SCN10A: variants seen among roughly 807,000 people sequenced by gnomAD.
The protein encoded by SCN10A is sodium channel protein type 10 subunit alpha.
SCN10A carries 162 observed loss-of-function variants against 170.7 expected under a neutral mutation model. The ratio of observed to expected loss-of-function variants is 0.95; its 90% confidence interval spans 0.84 to 1.08. The LOEUF is 1.08. Among genes scored for constraint, SCN10A ranks in the 50% least tolerant of loss-of-function variants. The pLI is 0.00. For synonymous variants in SCN10A, 985 were observed against 904.6 expected (o/e 1.09, Z -1.59); for missense variants, 2,527 against 2,436.9 (o/e 1.04, Z -0.78).
chr3:38,743,325 T>C (rs533267440), intron 13 of SCN10A, among the ~76,000 whole-genome samples: 262 of 152,284 alleles, frequency 1.7e-3, no homozygotes, highest in African/African-American at 5.8e-3. Context: ...CTCTTTCCTC[T>C]CCCACCTATT....
intron 13 of SCN10A, among the ~76,000 whole-genome samples, chr3:38,743,067 C>A (rs1322786244): frequency 6.6e-6 from 1 of 152,178 alleles, no homozygotes; most frequent in Admixed American, 6.5e-5. Flanking sequence ...TATTATATTC[C>A]ATTCCTTCAT....
At chr3:38,740,953 C>T (rs1256116505) in intron 14 of SCN10A, among the ~76,000 whole-genome samples, 1 of 152,132 alleles carries the variant, frequency 6.6e-6, no homozygotes, top group Admixed American at 6.5e-5. Context: ...CTTCTCTTTC[C>T]ATTTTTCCTT....
At position 38,814,221 on chromosome 3, in the gene SCN10A, C is replaced by T. The variant is rs1024111377; in HGVS notation, c.-33+1816G>A. On this transcript the variant is annotated intron_variant, in intron 1 of 27. Transcript: ENST00000449082. ...AAAGTGATTGTGCAGAAAGGGAGAG[C>T]CTGGTGGATGCAAACTGAATGAGAA... Among the ~76,000 whole-genome samples the T allele has an allele frequency of 5.9e-5, 9 of 152,178 alleles. 1 individual carries two copies. Among genetic ancestry groups the T allele is most frequent in the East Asian group, 1.9e-4 (1 of 5,186 alleles).
chr3:38,736,361 C>CTGTGTGTGTGTGTGTGTGTG (rs68001863), intron 15 of SCN10A, among the ~76,000 whole-genome samples: 9 of 139,356 alleles, frequency 6.5e-5, no homozygotes, highest in African/African-American at 7.9e-5. Context: ...TAGGGAAACT[C>CTGTGTGTGTGTGTGTGTGTG]TGTGTGTGTG....
In SCN10A at chr3:38,756,302, A is replaced by T. The variant is rs755244424; in HGVS notation, c.1291-344T>A. Among the ~76,000 whole-genome samples, 126 of 119,924 alleles carry T rather than the reference A, an allele frequency of 1.1e-3. 3 individuals are homozygous for T. The highest frequency in any genetic ancestry group is 3.7e-3 in the East Asian group (12 of 3,252). The allele number at this position is 119,924 out of a possible 152,430, so 78.7% of individuals were successfully genotyped here. Reference sequence around the variant, plus strand: ...CTTCTGGGATAGGTATGGGGAGGGTAAAAAAAAAAAGCTGGCCCCCTTGCC... The same window carrying T: ...CTTCTGGGATAGGTATGGGGAGGGTTAAAAAAAAAAGCTGGCCCCCTTGCC... On this transcript the variant is annotated intron_variant, in intron 10 of 27. Coordinates refer to ENST00000449082, the MANE Select transcript of SCN10A (RefSeq NM_006514.4).
In SCN10A at chr3:38,705,528, G is replaced by T. The variant is rs184183338; in HGVS notation, c.4386+1751C>A. 2.0e-5 allele frequency among the ~76,000 whole-genome samples: 3 copies of T among 152,294 alleles called. No homozygotes were observed. The East Asian group carries it at 5.8e-4, about 29-fold the overall frequency. On this transcript the variant is annotated intron_variant, in intron 26 of 27. Transcript: ENST00000449082. ...GTCTCCCACTCCTATTTACTGCCTG[G>T]AATTTCAACATTAGGGTCATGCCTT...
intron 6 of SCN10A, 102 bp downstream of exon 6, chr3:38,763,403 G>T: frequency 1.1e-6 from 1 of 898,368 alleles, no homozygotes; most frequent in Non-Finnish European, 1.8e-6. Flanking sequence ...TTGTAAGTGG[G>T]GACAATAGTC....
intron 21 of SCN10A, among the ~76,000 whole-genome samples, 200 bp from the exon 22 acceptor site, chr3:38,714,280 C>T (rs2063308443): frequency 6.6e-6 from 1 of 152,152 alleles, no homozygotes; most frequent in African/African-American, 2.4e-5. Context: ...TTATTCACCA[C>T]TCTCTTAAAC....
chr3:38,789,889 T>TC (rs1265053978), intron 3 of SCN10A, among the ~76,000 whole-genome samples: 1 of 152,124 alleles, frequency 6.6e-6, no homozygotes, highest in Non-Finnish European at 1.5e-5. Flanking sequence ...ATAGCTGGGC[T>TC]CCCAACAGTG....
intron 4 of SCN10A, among the ~76,000 whole-genome samples, chr3:38,772,322 G>GAAAAAAAA (rs147803028): frequency 3.0e-5 from 4 of 133,826 alleles, no homozygotes; most frequent in Non-Finnish European, 4.7e-5. Flanking sequence ...CCAAACAACT[G>GAAAAAAAA]AAAAAAAAAA....
intron 4 of SCN10A, among the ~76,000 whole-genome samples, chr3:38,772,455 C>T (rs2064015082): frequency 6.6e-6 from 1 of 152,006 alleles, no homozygotes; most frequent in Non-Finnish European, 1.5e-5. Flanking sequence ...TTTGGGAGGC[C>T]GAGGCGGGCA....
chr3:38,769,117 T>C (rs2063968418), intron 5 of SCN10A, among the ~76,000 whole-genome samples: 1 of 152,130 alleles, frequency 6.6e-6, no homozygotes, highest in Non-Finnish European at 1.5e-5. Context: ...TTGTTTTTTC[T>C]TTATATCTAT....
At position 38,773,073 on chromosome 3, in the gene SCN10A, G is replaced by A. The variant is rs1023237567; in HGVS notation, c.471-1666C>T. 3.3e-5 allele frequency among the ~76,000 whole-genome samples: 5 copies of A among 152,222 alleles called. No individual in the cohort carries two copies. In the East Asian group the frequency reaches 9.7e-4, roughly 29 times the overall value. ...GAGCAAGGCCTTCAAAATTAAGAGG[G>A]AAATAATTTCTAATACAGAAGTCTT... On this transcript the variant is annotated intron_variant, in intron 4 of 27. Transcript: ENST00000449082.
chr3:38,749,941 A>T (rs2063729974), intron 13 of SCN10A, 132 bp downstream of exon 13: 1 of 515,338 alleles, frequency 1.9e-6, no homozygotes. Flanking sequence ...CTAAGACATA[A>T]GAATGAGGAG....
At chr3:38,768,850 C>T (rs909060267) in intron 5 of SCN10A, among the ~76,000 whole-genome samples, 2 of 152,168 alleles carry the variant, frequency 1.3e-5, no homozygotes, top group Non-Finnish European at 2.9e-5. Flanking sequence ...ATAAGTTTTC[C>T]AAACTTTTAG....
At position 38,757,040 on chromosome 3, in the gene SCN10A, G is replaced by A. The variant is rs866241905; in HGVS notation, c.1070C>T (p.Ser357Phe). ...LSLFRLMTQD[S>F]WERLYQQTLR... ...TACCTGCTGGTAGAGGCGTTCCCAG[G>A]AATCCTGTGTCATGAGGCGGAACAG... is the stretch of plus-strand genomic sequence containing the variant. The change falls in exon 9 of 28, where the codon TCC becomes TTC. Residue 357 changes from serine to phenylalanine, a missense_variant. Transcript: ENST00000449082. 1 of 1,612,270 alleles carries A rather than the reference G, an allele frequency of 6.2e-7. No individual in the cohort carries two copies. The highest frequency in any genetic ancestry group is 8.5e-7 in the Non-Finnish European group (1 of 1,179,230).
chr3:38,811,166 C>T (rs2064438854), intron 1 of SCN10A, among the ~76,000 whole-genome samples: 1 of 152,136 alleles, frequency 6.6e-6, no homozygotes, highest in African/African-American at 2.4e-5. Context: ...AATAATAGAA[C>T]TACAGTCCAG....
intron 1 of SCN10A, among the ~76,000 whole-genome samples, chr3:38,807,247 C>A (rs1424352548): frequency 6.6e-6 from 1 of 152,094 alleles, no homozygotes; most frequent in African/African-American, 2.4e-5. Context: ...TTTTGGTGGA[C>A]AGTAGAATTT....
chr3:38,795,156 C>T (rs1313183152), intron 1 of SCN10A, among the ~76,000 whole-genome samples: 1 of 151,982 alleles, frequency 6.6e-6, no homozygotes, highest in African/African-American at 2.4e-5. Context: ...CTCTCCTGTT[C>T]TCTATTGGCT....
Sources: allele counts gnomAD v4.1 joint callset (sites outside exome capture counted in the v4.1 genomes callset), GRCh38; gene constraint gnomAD v4.1.1; transcripts MANE v1.5; gene names NCBI Gene and HGNC (gene_info 2026-07-23, HGNC 2026-07-21).